Variants in DNAH11 observed in about 807,000 individuals in gnomAD.
The protein encoded by DNAH11 is dynein axonemal heavy chain 11.
Under a neutral mutation model 526.0 loss-of-function variants are expected in DNAH11, and 442 were observed. That is an observed-to-expected ratio of 0.84 (90% CI 0.78 to 0.91). The LOEUF is 0.91. DNAH11 is among the 40% of genes least tolerant of loss of function. DNAH11 has a pLI of 0.00. For synonymous variants in DNAH11, 2,461 were observed against 1,935.9 expected (o/e 1.27, Z -7.12); for missense variants, 6,989 against 5,448.7 (o/e 1.28, Z -8.90).
At chr7:21,872,256 G>C (rs1291042499) in intron 73 of DNAH11, among the ~76,000 whole-genome samples, 1 of 151,504 alleles carries the variant, frequency 6.6e-6, no homozygotes, top group Non-Finnish European at 1.5e-5. Flanking sequence ...ATATGAATTT[G>C]GGGGTGCATA....
Position 21,702,651 on chromosome 7 carries a change from G to C in DNAH11, c.6181-59G>C, listed in dbSNP as rs1784113327. On this transcript the variant is annotated intron_variant, in intron 36 of 81. Transcript: ENST00000409508. ...TAAAAACTTTCAGCTCTTACCTCTG[G>C]AATGAGAATCTTCTTCCCTCATACA... 3.4e-6 allele frequency: 5 copies of C among 1,459,894 alleles called. No homozygotes were observed. In the Admixed American group the frequency reaches 9.0e-5, roughly 26 times the overall value. 90.4% of individuals were successfully genotyped at this position (1,459,894 alleles called of 1,614,324 possible).
intron 2 of DNAH11, among the ~76,000 whole-genome samples, chr7:21,546,908 A>G (rs1407121543): frequency 6.6e-6 from 1 of 152,228 alleles, no homozygotes; most frequent in Non-Finnish European, 1.5e-5. Context: ...ACTGTCATAA[A>G]GAGAAACCCC....
At position 21,867,888 on chromosome 7, in the gene DNAH11, A is replaced by T; in HGVS notation, c.11720A>T (p.Lys3907Met). 6.3e-7 allele frequency: 1 copy of T among 1,579,104 alleles called. No homozygotes were observed. The highest frequency in any genetic ancestry group is 8.6e-7 in the Non-Finnish European group (1 of 1,161,134). ...RNFVEEKLGAKYVERTRLDLV... is the reference protein window; with the variant it reads ...RNFVEEKLGAMYVERTRLDLV... Reference sequence around the variant, plus strand: ...TTTGTAGAGGAAAAACTGGGTGCGAAGTATGTGGAGAGGACCAGATTGGAC... The same window carrying T: ...TTTGTAGAGGAAAAACTGGGTGCGATGTATGTGGAGAGGACCAGATTGGAC... The change falls in exon 72 of 82, where the codon AAG (lysine) becomes ATG (methionine). Residue 3907 changes from lysine to methionine, a missense_variant. Lys to Met is a moderately conservative substitution (Grantham distance 95, BLOSUM62 -1). Coordinates refer to ENST00000409508, the MANE Select transcript of DNAH11 (RefSeq NM_001277115.2).
At position 21,854,462 on chromosome 7, in the gene DNAH11, C is replaced by A. The variant is rs73279826; in HGVS notation, c.11202+7C>A. On this transcript the variant is annotated splice_region_variant and intron_variant, in intron 68 of 81. Transcript: ENST00000409508. ...CTACCAATTCTCTTTGAAGGTAATGCTGAATGAGCTAAGAAATATGGGAAA... is the reference window on the plus strand; with the variant it reads ...CTACCAATTCTCTTTGAAGGTAATGATGAATGAGCTAAGAAATATGGGAAA... 0.025 allele frequency: 39,958 copies of A among 1,611,074 alleles called. 4,470 individuals carry two copies. The African/African-American group carries it at 0.29, about 12-fold the overall frequency.
At chr7:21,643,987 C>G (rs1243273399) in intron 28 of DNAH11, among the ~76,000 whole-genome samples, 1 of 152,064 alleles carries the variant, frequency 6.6e-6, no homozygotes, top group Non-Finnish European at 1.5e-5. Flanking sequence ...TGTAAAATGA[C>G]AAGATACATA....
chr7:21,598,335 G>T (rs1373579921), intron 14 of DNAH11, among the ~76,000 whole-genome samples: 1 of 152,088 alleles, frequency 6.6e-6, no homozygotes, highest in South Asian at 2.1e-4. Context: ...CTGCCCACCT[G>T]ACCTTTTGAA....
chr7:21,787,246 A>G (rs1344506873), intron 59 of DNAH11, among the ~76,000 whole-genome samples, 155 bp from the exon 60 acceptor site: 1 of 152,238 alleles, frequency 6.6e-6, no homozygotes, highest in Non-Finnish European at 1.5e-5. Flanking sequence ...CTGACTTCGT[A>G]CTATAAAGAC....
chr7:21,764,498 C>A (rs925254777), intron 54 of DNAH11, among the ~76,000 whole-genome samples: 2 of 3,728 alleles, frequency 5.4e-4, no homozygotes, highest in Non-Finnish European at 3.8e-3. Context: ...AGACCTTACT[C>A]CCTGATTGAC....
chr7:21,570,421 T>A, intron 7 of DNAH11, 122 bp downstream of exon 7: 1 of 776,256 alleles, frequency 1.3e-6, no homozygotes, highest in South Asian at 2.0e-5. Flanking sequence ...TTCTCAGTGA[T>A]TCTCATAAGG....
At chr7:21,643,377 G>T (rs1180499800) in intron 28 of DNAH11, among the ~76,000 whole-genome samples, 1 of 152,128 alleles carries the variant, frequency 6.6e-6, no homozygotes, top group East Asian at 1.9e-4. Flanking sequence ...TTTTGTCTGA[G>T]AACAGTTTGC....
intron 79 of DNAH11, among the ~76,000 whole-genome samples, chr7:21,898,823 C>G (rs1274266296): frequency 6.6e-6 from 1 of 152,186 alleles, no homozygotes; most frequent in East Asian, 1.9e-4. Context: ...TTCCTCCCCA[C>G]TTTCAGGCAG....
In DNAH11 at chr7:21,735,761, G is replaced by C. The variant is rs1233460351; in HGVS notation, c.7562G>C (p.Gly2521Ala). ...NAGVGKTVFVGDTLASLSEDY... is the reference protein window; with the variant it reads ...NAGVGKTVFVADTLASLSEDY... ...GGAGTGGGAAAAACAGTCTTTGTAG[G>C]TGACACATTGGCAAGTCTCTCTGAG... Residue 2521 changes from glycine to alanine, a missense_variant, in exon 46 of 82, where the codon GGT becomes GCT. Physicochemically the swap from Gly to Ala is moderately conservative, Grantham distance 60. Transcript: ENST00000409508. 1.5e-5 allele frequency: 24 copies of C among 1,613,962 alleles called. No individual in the cohort carries two copies. Among genetic ancestry groups the C allele is most frequent in the Non-Finnish European group, 2.0e-5 (24 of 1,179,882 alleles).
chr7:21,796,991 A>G (rs1027333878), intron 61 of DNAH11, among the ~76,000 whole-genome samples: 10 of 152,072 alleles, frequency 6.6e-5, no homozygotes, highest in Admixed American at 3.3e-4. Flanking sequence ...GTAGAGAAGA[A>G]CAAAGAAAAA....
chr7:21,866,989 T>A (rs1783306664), intron 71 of DNAH11, among the ~76,000 whole-genome samples: 1 of 152,230 alleles, frequency 6.6e-6, no homozygotes, highest in South Asian at 2.1e-4. Flanking sequence ...ATTATCCAAG[T>A]GTAATTTCCA....
At chr7:21,798,031 G>T (rs1018482078) in intron 61 of DNAH11, among the ~76,000 whole-genome samples, 1 of 152,142 alleles carries the variant, frequency 6.6e-6, no homozygotes, top group Non-Finnish European at 1.5e-5. Context: ...AAAATGTAAA[G>T]CTCACATAAA....
intron 57 of DNAH11, 147 bp downstream of exon 57, chr7:21,779,251 C>G: frequency 4.1e-6 from 4 of 975,868 alleles, no homozygotes; most frequent in African/African-American, 3.3e-5. Context: ...CATTTCACAC[C>G]GTGATTACCA....
intron 65 of DNAH11, among the ~76,000 whole-genome samples, chr7:21,838,387 A>G (rs1222998631): frequency 6.6e-6 from 1 of 152,218 alleles, no homozygotes; most frequent in Non-Finnish European, 1.5e-5. Flanking sequence ...TTATCAAGAT[A>G]TAAGTCACAT....
At chr7:21,614,191 G>T (rs1026454389) in intron 20 of DNAH11, among the ~76,000 whole-genome samples, 1 of 152,194 alleles carries the variant, frequency 6.6e-6, no homozygotes, top group African/African-American at 2.4e-5. Flanking sequence ...GGTATTTAAA[G>T]TTCAAAGAAA....
At chr7:21,715,855 T>G (rs1217760762) in intron 42 of DNAH11, among the ~76,000 whole-genome samples, 1 of 116,728 alleles carries the variant, frequency 8.6e-6, no homozygotes, top group African/African-American at 4.2e-5. Context: ...TTTATCTGAT[T>G]TCCCCCTCCC....
Sources: allele counts gnomAD v4.1 joint callset (sites outside exome capture counted in the v4.1 genomes callset), GRCh38; gene constraint gnomAD v4.1.1; transcripts MANE v1.5; gene names NCBI Gene and HGNC (gene_info 2026-07-23, HGNC 2026-07-21).